The following HS6ST3 variants were observed in gnomAD, a reference collection of about 807,000 sequenced individuals.
HS6ST3 encodes the protein heparan-sulfate 6-O-sulfotransferase 3.
HS6ST3 carries 12 observed loss-of-function variants against 36.7 expected under a neutral mutation model. That is an observed-to-expected ratio of 0.33 (90% confidence interval 0.21 to 0.53). HS6ST3 has a LOEUF of 0.53. HS6ST3 is among the 20% of genes least tolerant of loss of function. The pLI, the probability that HS6ST3 is intolerant of heterozygous loss-of-function variation, is 0.95. For synonymous variants in HS6ST3, 240 were observed against 257.5 expected (o/e 0.93, Z 0.65); for missense variants, 584 against 640.9 (o/e 0.91, Z 0.96).
chr13:96,811,596 T>C (rs1163108728), intron 1 of HS6ST3, among the ~76,000 whole-genome samples: 1 of 147,702 alleles, frequency 6.8e-6, no homozygotes, highest in African/African-American at 2.5e-5. Flanking sequence ...GGCTGCAACA[T>C]AGTAGTATTT....
At chr13:96,524,535 C>T (rs1015153731) in intron 1 of HS6ST3, among the ~76,000 whole-genome samples, 3 of 152,242 alleles carry the variant, frequency 2.0e-5, no homozygotes, top group Non-Finnish European at 2.9e-5. Flanking sequence ...AGCTTCCCTG[C>T]AGCTTTGTTA....
rs563503146 is a variant in HS6ST3, at chr13:96,650,638, G to T, written c.708-181852G>T. 8.7e-4 allele frequency among the ~76,000 whole-genome samples: 133 copies of T among 152,178 alleles called. 1 individual carries two copies. Among genetic ancestry groups the T allele is most frequent in the African/African-American group, 3.0e-3 (126 of 41,536 alleles). ...AGAACTTGATTTAAGTCCAAGAGGT[G>T]TATGGAAACTTAAAACAGGCAGCAG... is the stretch of plus-strand genomic sequence containing the variant. On this transcript the variant is annotated intron_variant, in intron 1 of 1. Transcript: ENST00000376705.
At chr13:96,527,478 G>A (rs558839207) in intron 1 of HS6ST3, among the ~76,000 whole-genome samples, 5 of 152,262 alleles carry the variant, frequency 3.3e-5, no homozygotes, top group South Asian at 2.1e-4. Flanking sequence ...TCACAAATAA[G>A]CCAATAAATA....
intron 1 of HS6ST3, among the ~76,000 whole-genome samples, chr13:96,806,349 A>G (rs1878197693): frequency 6.6e-6 from 1 of 152,240 alleles, no homozygotes; most frequent in Non-Finnish European, 1.5e-5. Context: ...CAACGGACCC[A>G]GCCCTTGTCA....
intron 1 of HS6ST3, among the ~76,000 whole-genome samples, chr13:96,157,815 A>G (rs2054117383): frequency 6.6e-6 from 1 of 152,178 alleles, no homozygotes; most frequent in Non-Finnish European, 1.5e-5. Flanking sequence ...TCGAATGCGG[A>G]TTCTATATAA....
intron 1 of HS6ST3, among the ~76,000 whole-genome samples, chr13:96,242,021 G>A (rs1390015118): frequency 2.6e-5 from 4 of 151,626 alleles, no homozygotes; most frequent in East Asian, 1.9e-4. Context: ...TCCTGACCTC[G>A]TGATCCGCCC....
At position 96,729,633 on chromosome 13, in the gene HS6ST3, TA is replaced by T. The variant is rs1004191095; in HGVS notation, c.708-102856del. Among the ~76,000 whole-genome samples, 5 of 135,760 alleles carry T rather than the reference TA, an allele frequency of 3.7e-5. No individual in the cohort carries two copies. In the Admixed American group the frequency reaches 3.8e-4, roughly 10 times the overall value. The allele number at this position is 135,760 out of a possible 152,430, so 89.1% of individuals were successfully genotyped here. ...CACCATGCCCAGCTAATATTTTTTG[TA>T]TTTTTTTTTTTTAGTAGAGCCAAAG... On this transcript the variant is annotated intron_variant, in intron 1 of 1. Transcript: ENST00000376705.
At chr13:96,559,245 T>C (rs1249848321) in intron 1 of HS6ST3, among the ~76,000 whole-genome samples, 2 of 152,028 alleles carry the variant, frequency 1.3e-5, no homozygotes, top group Non-Finnish European at 2.9e-5. Flanking sequence ...GCCTCCCTGA[T>C]AGCTGGGACT....
At chr13:96,754,654 C>A (rs1176721949) in intron 1 of HS6ST3, among the ~76,000 whole-genome samples, 1 of 152,168 alleles carries the variant, frequency 6.6e-6, no homozygotes, top group Non-Finnish European at 1.5e-5. Flanking sequence ...ATTCTCAGCA[C>A]ATTGAAGATA....
At chr13:96,762,926 C>A (rs185448726) in intron 1 of HS6ST3, among the ~76,000 whole-genome samples, 2 of 152,236 alleles carry the variant, frequency 1.3e-5, no homozygotes, top group African/African-American at 4.8e-5. Flanking sequence ...TGTCTTCTCT[C>A]CATTTTTATT....
intron 1 of HS6ST3, among the ~76,000 whole-genome samples, chr13:96,758,374 T>TAC (rs1390532874): frequency 7.2e-5 from 11 of 151,958 alleles, no homozygotes; most frequent in Admixed American, 2.6e-4. Context: ...GAACCAAATT[T>TAC]TAGCTTACTT....
chr13:96,440,017 G>A (rs1313348537), intron 1 of HS6ST3, among the ~76,000 whole-genome samples: 1 of 152,206 alleles, frequency 6.6e-6, no homozygotes, highest in Non-Finnish European at 1.5e-5. Flanking sequence ...TTACTGATAT[G>A]TTGATAGAGT....
At chr13:96,657,489 C>T (rs2056629736) in intron 1 of HS6ST3, among the ~76,000 whole-genome samples, 1 of 152,096 alleles carries the variant, frequency 6.6e-6, no homozygotes, top group Non-Finnish European at 1.5e-5. Context: ...TCACTACACT[C>T]CAGCCTGAGC....
chr13:96,550,765 A>T (rs2056216738), intron 1 of HS6ST3, among the ~76,000 whole-genome samples: 1 of 150,688 alleles, frequency 6.6e-6, no homozygotes, highest in Non-Finnish European at 1.5e-5. Context: ...TTAGATGAGT[A>T]AGTAACTTTT....
At chr13:96,771,654 C>T (rs191087544) in intron 1 of HS6ST3, among the ~76,000 whole-genome samples, 1 of 152,124 alleles carries the variant, frequency 6.6e-6, no homozygotes, top group Non-Finnish European at 1.5e-5. Flanking sequence ...GGTGCCAAGC[C>T]TTCCAAGATT....
intron 1 of HS6ST3, among the ~76,000 whole-genome samples, chr13:96,748,700 G>T (rs1026358756): frequency 6.6e-6 from 1 of 152,012 alleles, no homozygotes; most frequent in African/African-American, 2.4e-5. Context: ...TTGAGTGCTT[G>T]AAGTCACTTG....
At chr13:96,256,174 G>A (rs9525172) in intron 1 of HS6ST3, among the ~76,000 whole-genome samples, 48,230 of 152,076 alleles carry the variant, frequency 0.32, 8,381 homozygotes, top group Non-Finnish European at 0.39. Context: ...CATAGTGTAT[G>A]CCATCAGGTG....
chr13:96,706,417 A>ATATATATG (rs1481372387), intron 1 of HS6ST3, among the ~76,000 whole-genome samples: 1 of 117,226 alleles, frequency 8.5e-6, no homozygotes, highest in Non-Finnish European at 1.8e-5. Flanking sequence ...TATATTTTAT[A>ATATATATG]TATATATATA....
At chr13:96,188,735 A>G (rs1209953001) in intron 1 of HS6ST3, among the ~76,000 whole-genome samples, 1 of 152,162 alleles carries the variant, frequency 6.6e-6, no homozygotes, top group Non-Finnish European at 1.5e-5. Context: ...GTTTGTCATT[A>G]TAGTTATTAA....
Sources: gnomAD v4.1 joint callset for allele counts (sites outside exome capture counted in the v4.1 genomes callset) on GRCh38, gnomAD v4.1.1 for gene constraint, MANE v1.5 for transcripts, NCBI Gene and HGNC (gene_info 2026-07-23, HGNC 2026-07-21) for gene names.